HDAC9: variants seen among roughly 807,000 people sequenced by gnomAD.
HDAC9 encodes MEF-2 interacting transcription repressor (MITR) protein.
A neutral mutation model predicts 139.4 loss-of-function variants in HDAC9; 41 were observed. That is an observed-to-expected ratio of 0.29 (90% CI 0.23 to 0.38). The LOEUF (loss-of-function observed/expected upper bound fraction) is 0.38, where lower values mean the gene tolerates loss of function less well. Ranked by LOEUF, HDAC9 falls within the 10% of genes least tolerant of loss-of-function variation. HDAC9 has a pLI of 1.00. For missense variants in HDAC9, 1,147 were observed against 1,297.0 expected (o/e 0.88, Z 1.78); for synonymous variants, 517 against 476.2 (o/e 1.09, Z -1.12).
At chr7:18,930,321 G>C (rs2129304489) in intron 22 of HDAC9, among the ~76,000 whole-genome samples, 1 of 152,266 alleles carries the variant, frequency 6.6e-6, no homozygotes, top group African/African-American at 2.4e-5. Context: ...TTTCAACTCT[G>C]AAGGTGTTAT....
intron 22 of HDAC9, among the ~76,000 whole-genome samples, chr7:18,927,633 C>T (rs1304381169): frequency 6.6e-6 from 1 of 152,144 alleles, no homozygotes; most frequent in East Asian, 1.9e-4. Flanking sequence ...CCTTTGGTCC[C>T]TACTATATTA....
intron 14 of HDAC9, among the ~76,000 whole-genome samples, chr7:18,760,842 G>C (rs925626003): frequency 1.3e-5 from 2 of 152,158 alleles, no homozygotes; most frequent in African/African-American, 4.8e-5. Context: ...AGTTGTCCTG[G>C]CCTGCCCCTT....
chr7:18,896,625 CT>C (rs1801222590), intron 22 of HDAC9, among the ~76,000 whole-genome samples: 1 of 152,014 alleles, frequency 6.6e-6, no homozygotes, highest in Non-Finnish European at 1.5e-5. Context: ...TTCTTTGTCC[CT>C]CATGAATAAC....
intron 1 of HDAC9, among the ~76,000 whole-genome samples, chr7:18,313,077 C>T (rs1236512778): frequency 2.0e-5 from 3 of 152,088 alleles, no homozygotes; most frequent in African/African-American, 7.2e-5. Context: ...TTGTCCTATC[C>T]TTTCAAGACA....
Position 18,768,475 on chromosome 7 carries a change from C to T in HDAC9, c.2214+1320C>T, listed in dbSNP as rs142978352. 1.4e-3 allele frequency among the ~76,000 whole-genome samples: 217 copies of T among 152,268 alleles called. 1 individual carries two copies. Among genetic ancestry groups the T allele is most frequent in the African/African-American group, 5.2e-3 (216 of 41,572 alleles). On this transcript the variant is annotated intron_variant, in intron 16 of 25. Coordinates refer to ENST00000686413, the MANE Select transcript of HDAC9 (RefSeq NM_178425.4). ...TTGACCACCAGCATGGGACAGTCAT[C>T]AATCCCACATTAATCCTTGCTTATT...
intron 2 of HDAC9, among the ~76,000 whole-genome samples, chr7:18,174,704 A>G (rs1788736986): frequency 6.6e-6 from 1 of 152,186 alleles, no homozygotes; most frequent in Non-Finnish European, 1.5e-5. Context: ...TCTAACAATC[A>G]GGACCCTCAG....
chr7:18,483,747 C>T (rs746833490), intron 1 of HDAC9, among the ~76,000 whole-genome samples: 1 of 152,092 alleles, frequency 6.6e-6, no homozygotes, highest in Non-Finnish European at 1.5e-5. Context: ...TTTTCTAAAA[C>T]TGATGCTACA....
At chr7:18,901,123 T>A (rs1801662176) in intron 22 of HDAC9, among the ~76,000 whole-genome samples, 1 of 151,050 alleles carries the variant, frequency 6.6e-6, no homozygotes, top group African/African-American at 2.4e-5. Context: ...CTACAGAGAT[T>A]CCCAAAAAGA....
At chr7:18,688,172 T>C (rs564179056) in intron 12 of HDAC9, among the ~76,000 whole-genome samples, 16 of 151,950 alleles carry the variant, frequency 1.1e-4, no homozygotes, top group Middle Eastern at 3.4e-3. Context: ...CATTACTCTT[T>C]TAGTTTTCAA....
chr7:18,666,939 A>G (rs1795032783), intron 12 of HDAC9: 5 of 996,084 alleles, frequency 5.0e-6, no homozygotes, highest in Non-Finnish European at 6.0e-6. Flanking sequence ...TAATTTTCAC[A>G]TCACTGTACA....
chr7:18,709,144 T>C (rs556420775), intron 12 of HDAC9, among the ~76,000 whole-genome samples: 6 of 152,088 alleles, frequency 3.9e-5, no homozygotes, highest in Non-Finnish European at 7.4e-5. Flanking sequence ...ATGTGTGCCA[T>C]GGTGATTTGC....
chr7:18,120,869 T>C (rs2128093016), intron 1 of HDAC9, among the ~76,000 whole-genome samples: 1 of 152,332 alleles, frequency 6.6e-6, no homozygotes, highest in Admixed American at 6.5e-5. Flanking sequence ...TTGTAGAGCT[T>C]GCTGGTTGTT....
chr7:18,464,423 G>C (rs912915388), intron 1 of HDAC9, among the ~76,000 whole-genome samples: 1 of 151,920 alleles, frequency 6.6e-6, no homozygotes, highest in Non-Finnish European at 1.5e-5. Context: ...AATATGTTAA[G>C]TATGTTTATT....
intron 1 of HDAC9, among the ~76,000 whole-genome samples, chr7:18,441,862 G>T (rs573317787): frequency 6.6e-6 from 1 of 152,220 alleles, no homozygotes; most frequent in South Asian, 2.1e-4. Context: ...CCGCCTCCCG[G>T]GTTCACGCCA....
rs575189584 is a variant in HDAC9, at chr7:18,711,266, A to G, written c.1732-16314A>G. ...AGAGAACATCTCAATTCAACAAATC[A>G]TATTGATTCCACCTTCTAAATATCT... On this transcript the variant is annotated intron_variant, in intron 12 of 25. Coordinates refer to ENST00000686413, the MANE Select transcript of HDAC9 (RefSeq NM_178425.4). 2.6e-5 allele frequency among the ~76,000 whole-genome samples: 4 copies of G among 152,312 alleles called. No homozygotes were observed. In the East Asian group the frequency reaches 7.7e-4, roughly 29 times the overall value.
chr7:18,332,840 C>CG (rs1781298151), intron 1 of HDAC9, among the ~76,000 whole-genome samples: 1 of 151,428 alleles, frequency 6.6e-6, no homozygotes. Flanking sequence ...ATACACCTTA[C>CG]GGCACTGGAG....
At chr7:18,153,309 G>A (rs1485941468) in intron 1 of HDAC9, among the ~76,000 whole-genome samples, 1 of 151,906 alleles carries the variant, frequency 6.6e-6, no homozygotes, top group African/African-American at 2.4e-5. Flanking sequence ...GGGTGGGAGT[G>A]GCCTGAGCAT....
intron 7 of HDAC9, among the ~76,000 whole-genome samples, chr7:18,630,322 G>A (rs1215329223): frequency 6.6e-6 from 1 of 151,922 alleles, no homozygotes; most frequent in Non-Finnish European, 1.5e-5. Context: ...GGAAAACTGT[G>A]CTTATACCAA....
At position 18,705,863 on chromosome 7, in the gene HDAC9, ATAAAAT is replaced by A. The variant is rs1271425459; in HGVS notation, c.1732-21716_1732-21711del. 7.0e-3 allele frequency among the ~76,000 whole-genome samples: 918 copies of A among 130,488 alleles called. 39 individuals carry two copies. Among genetic ancestry groups the A allele is most frequent in the Non-Finnish European group, 0.011 (734 of 64,396 alleles). The allele number at this position is 130,488 out of a possible 152,430, so 85.6% of individuals were successfully genotyped here. On this transcript the variant is annotated intron_variant, in intron 12 of 25. Coordinates refer to ENST00000686413, the MANE Select transcript of HDAC9 (RefSeq NM_178425.4). Reference sequence around the variant, plus strand: ...GAGAGACTCTGTCTCAAAAAAAAAAATAAAATAAAATAAAATAAAAGAAATGGTTCA... The same window carrying A: ...GAGAGACTCTGTCTCAAAAAAAAAAAAAAATAAAATAAAAGAAATGGTTCA...
Sources: gnomAD v4.1 joint callset for allele counts (sites outside exome capture counted in the v4.1 genomes callset) on GRCh38, gnomAD v4.1.1 for gene constraint, MANE v1.5 for transcripts, NCBI Gene and HGNC (gene_info 2026-07-23, HGNC 2026-07-21) for gene names.